JMJD1C: variants seen among roughly 807,000 people sequenced by gnomAD.
The protein encoded by JMJD1C is jumonji domain-containing protein 1C.
In JMJD1C, 31 loss-of-function variants were observed where a neutral mutation model predicts 245.3. That is an observed-to-expected ratio of 0.13 (90% CI 0.09 to 0.17). JMJD1C has a LOEUF of 0.17. Ranked by LOEUF, JMJD1C falls within the 10% of genes least tolerant of loss-of-function variation. JMJD1C has a pLI of 1.00. For synonymous variants in JMJD1C, 1,057 were observed against 1,017.4 expected, an observed-to-expected ratio of 1.04 and a Z score of -0.74; for missense variants, 2,691 against 3,000.2, an observed-to-expected ratio of 0.90 and a Z score of 2.41.
At chr10:63,419,611 T>A (rs1302574088) in intron 1 of JMJD1C, among the ~76,000 whole-genome samples, 1 of 151,564 alleles carries the variant, frequency 6.6e-6, no homozygotes, top group Non-Finnish European at 1.5e-5. Context: ...AAATCTAGGG[T>A]TCCAACAAAG....
chr10:63,520,488 T>C (rs1955175248), intron 1 of JMJD1C, among the ~76,000 whole-genome samples: 1 of 145,464 alleles, frequency 6.9e-6, no homozygotes, highest in Non-Finnish European at 1.5e-5. Flanking sequence ...CATCATTTTC[T>C]CAATTTGGTA....
At chr10:63,281,906 A>G (rs1409422500) in intron 2 of JMJD1C, among the ~76,000 whole-genome samples, 1 of 152,206 alleles carries the variant, frequency 6.6e-6, no homozygotes, top group Non-Finnish European at 1.5e-5. Flanking sequence ...GGAGAAACTG[A>G]GGTTAACCTA....
At chr10:63,432,765 A>T (rs1441276587) in intron 1 of JMJD1C, among the ~76,000 whole-genome samples, 3 of 152,250 alleles carry the variant, frequency 2.0e-5, no homozygotes, top group Non-Finnish European at 4.4e-5. Context: ...ACAGAGACCT[A>T]GAACAGCCAT....
intron 3 of JMJD1C, among the ~76,000 whole-genome samples, chr10:63,241,145 C>A (rs191111545): frequency 3.9e-5 from 6 of 152,208 alleles, no homozygotes; most frequent in African/African-American, 4.8e-5. Context: ...AATTTAGGGG[C>A]AAAATAATAC....
At chr10:63,212,414 C>T (rs1407493578) in intron 8 of JMJD1C, among the ~76,000 whole-genome samples, 1 of 152,146 alleles carries the variant, frequency 6.6e-6, no homozygotes, top group Non-Finnish European at 1.5e-5. Flanking sequence ...AGGTTGTCTC[C>T]TCGGAGTTTA....
chr10:63,323,260 C>T (rs1298348003), intron 2 of JMJD1C, among the ~76,000 whole-genome samples: 1 of 152,156 alleles, frequency 6.6e-6, no homozygotes, highest in Non-Finnish European at 1.5e-5. Flanking sequence ...CAGTGGCTCA[C>T]ACTTGTAATC....
chr10:63,358,627 C>T (rs1394219374), intron 2 of JMJD1C: 5 of 151,746 alleles, frequency 3.3e-5, no homozygotes, highest in Admixed American at 1.3e-4. Flanking sequence ...GATTTAGATC[C>T]TAATAAAATC....
intron 1 of JMJD1C, among the ~76,000 whole-genome samples, chr10:63,486,763 G>A (rs1359528731): frequency 6.6e-6 from 1 of 152,082 alleles, no homozygotes; most frequent in African/African-American, 2.4e-5. Context: ...ACTTTCCTCA[G>A]AAATCTACTC....
At position 63,445,075 on chromosome 10, in the gene JMJD1C, T is replaced by TA. The variant is rs922371136; in HGVS notation, c.168+20419dup. On this transcript the variant is annotated intron_variant, in intron 1 of 25. Coordinates refer to ENST00000399262, the MANE Select transcript of JMJD1C (RefSeq NM_032776.3). Reference sequence around the variant, plus strand: ...TACCCAGTCTCTACAAAAAAACAATTAAAAAAAATTAGCTGGGTGTGGTGG... The same window carrying TA: ...TACCCAGTCTCTACAAAAAAACAATTAAAAAAAAATTAGCTGGGTGTGGTGG... Among the ~76,000 whole-genome samples, 4 of 151,668 alleles carry TA rather than the reference T, an allele frequency of 2.6e-5. No homozygotes were observed. The East Asian group carries it at 5.8e-4, about 22-fold the overall frequency.
rs190601340 is a variant in JMJD1C, at chr10:63,309,689, C to T, written c.334-44925G>A. On this transcript the variant is annotated intron_variant, in intron 2 of 25. Coordinates refer to ENST00000399262, the MANE Select transcript of JMJD1C (RefSeq NM_032776.3). ...ATCCCAGCACTTTGGGAGGCCAAGG[C>T]GAGCGGATCACGAGGTCTGGAGTTC... 3.2e-3 allele frequency among the ~76,000 whole-genome samples: 489 copies of T among 151,718 alleles called. 2 individuals carry two copies. Among genetic ancestry groups the T allele is most frequent in the African/African-American group, 0.011 (473 of 41,398 alleles).
At chr10:63,512,975 C>T (rs1954915322) in intron 1 of JMJD1C, among the ~76,000 whole-genome samples, 1 of 152,030 alleles carries the variant, frequency 6.6e-6, no homozygotes, top group East Asian at 1.9e-4. Context: ...TACTAATGAG[C>T]CTATCAATGA....
chr10:63,266,161 C>CTATAA (rs1440759321), intron 2 of JMJD1C, among the ~76,000 whole-genome samples: 1 of 152,054 alleles, frequency 6.6e-6, no homozygotes, highest in African/African-American at 2.4e-5. Flanking sequence ...GAAAAACTCT[C>CTATAA]TTATATTCTC....
At chr10:63,479,429 C>T (rs1953762649) in intron 1 of JMJD1C, among the ~76,000 whole-genome samples, 2 of 152,102 alleles carry the variant, frequency 1.3e-5, no homozygotes, top group Admixed American at 1.3e-4. Context: ...AGCAATAATT[C>T]TTCAGTATCA....
At chr10:63,354,193 T>C (rs546832759) in intron 2 of JMJD1C, among the ~76,000 whole-genome samples, 2 of 152,178 alleles carry the variant, frequency 1.3e-5, no homozygotes, top group Non-Finnish European at 2.9e-5. Flanking sequence ...TTAAGTACAA[T>C]ATAAATAGTA....
intron 1 of JMJD1C, among the ~76,000 whole-genome samples, chr10:63,472,390 C>T (rs1041861143): frequency 1.3e-4 from 20 of 151,904 alleles, no homozygotes; most frequent in Admixed American, 8.5e-4. Context: ...TGGAGTGCAA[C>T]GGCGTAATCT....
intron 1 of JMJD1C, among the ~76,000 whole-genome samples, chr10:63,417,860 G>C (rs546859281): frequency 1.1e-4 from 16 of 152,244 alleles, no homozygotes; most frequent in African/African-American, 3.6e-4. Context: ...TCAACAATTA[G>C]ACTGGTATCA....
chr10:63,393,385 T>C (rs920035098), intron 1 of JMJD1C, among the ~76,000 whole-genome samples: 4 of 152,054 alleles, frequency 2.6e-5, no homozygotes, highest in African/African-American at 4.8e-5. Context: ...AGACAAAAAA[T>C]AACAGATGCT....
At chr10:63,443,971 G>A (rs1951542731) in intron 1 of JMJD1C, among the ~76,000 whole-genome samples, 1 of 152,152 alleles carries the variant, frequency 6.6e-6, no homozygotes. Flanking sequence ...ATCAACCGCT[G>A]AATATTCATC....
intron 2 of JMJD1C, among the ~76,000 whole-genome samples, chr10:63,286,060 C>T (rs1260967929): frequency 2.0e-5 from 3 of 152,166 alleles, no homozygotes; most frequent in Admixed American, 2.0e-4. Flanking sequence ...GAAGTGGGGT[C>T]CAGCAATCTG....
Sources: gnomAD v4.1 joint callset for allele counts (sites outside exome capture counted in the v4.1 genomes callset) on GRCh38, gnomAD v4.1.1 for gene constraint, MANE v1.5 for transcripts, NCBI Gene and HGNC (gene_info 2026-07-23, HGNC 2026-07-21) for gene names.